PDE1A: variants seen among roughly 807,000 people sequenced by gnomAD.
The protein encoded by PDE1A is phosphodiesterase 1A, also known as dual specificity calcium/calmodulin-dependent 3',5'-cyclic nucleotide phosphodiesterase 1A.
PDE1A carries 35 observed loss-of-function variants against 61.7 expected under a neutral mutation model. The ratio of observed to expected loss-of-function variants is 0.57; its 90% CI spans 0.43 to 0.75. PDE1A has a LOEUF of 0.75. Ranked by LOEUF, PDE1A falls within the 30% of genes least tolerant of loss-of-function variation. The pLI, the probability that PDE1A is intolerant of heterozygous loss-of-function variation, is 0.00. For missense variants in PDE1A, 597 were observed against 630.6 expected, an observed-to-expected ratio of 0.95 and a Z score of 0.57; for synonymous variants, 232 against 213.2, an observed-to-expected ratio of 1.09 and a Z score of -0.77.
chr2:182,387,999 T>C (rs1358001272), intron 1 of PDE1A, among the ~76,000 whole-genome samples: 1 of 151,934 alleles, frequency 6.6e-6, no homozygotes, highest in African/African-American at 2.4e-5. Flanking sequence ...AGATATTCCA[T>C]GGAAATAGAA....
chr2:182,416,541 A>AT (rs1266053305), intron 1 of PDE1A, among the ~76,000 whole-genome samples: 11 of 152,118 alleles, frequency 7.2e-5, no homozygotes, highest in Admixed American at 3.3e-4. Context: ...ACTAGGCAAC[A>AT]TTTTTTTGCC....
At chr2:182,538,369 T>C in the PDE1A span, among the ~76,000 whole-genome samples, 1 of 152,228 alleles carries the variant, frequency 6.6e-6, no homozygotes, top group Non-Finnish European at 1.5e-5. Context: ...GTAAGTGCTC[T>C]ACCAGTATTT....
intron 2 of PDE1A, among the ~76,000 whole-genome samples, chr2:182,494,275 C>T (rs956164177): frequency 3.3e-5 from 5 of 150,914 alleles, no homozygotes; most frequent in Admixed American, 2.0e-4. Context: ...GTGTAGTAAG[C>T]TTACAAGATC....
At chr2:182,476,902 A>G (rs1169062419) in intron 2 of PDE1A, among the ~76,000 whole-genome samples, 1 of 146,388 alleles carries the variant, frequency 6.8e-6, no homozygotes, top group Non-Finnish European at 1.5e-5. Context: ...CATAAAAAAA[A>G]AAAAAAACTC....
chr2:182,596,936 T>C, the PDE1A span, among the ~76,000 whole-genome samples: 3 of 152,092 alleles, frequency 2.0e-5, no homozygotes, highest in African/African-American at 4.8e-5. Context: ...GGTGAATCTG[T>C]AGAGCCCAGG....
chr2:182,331,835 C>A (rs1574372189), intron 1 of PDE1A, among the ~76,000 whole-genome samples: 1 of 152,166 alleles, frequency 6.6e-6, no homozygotes, highest in Middle Eastern at 3.4e-3. Flanking sequence ...CTTGGGGTTG[C>A]TCTTCTCAAG....
the PDE1A span, among the ~76,000 whole-genome samples, chr2:182,663,216 C>T: frequency 1.3e-5 from 2 of 152,154 alleles, no homozygotes. Flanking sequence ...AAAAGGAACA[C>T]TTATACATTG....
chr2:182,214,439 T>G (rs1242618224), intron 7 of PDE1A, among the ~76,000 whole-genome samples: 1 of 151,536 alleles, frequency 6.6e-6, no homozygotes, highest in Non-Finnish European at 1.5e-5. Context: ...GTAAATGGAC[T>G]AAATGCTCCA....
chr2:182,400,417 T>C (rs1363764798), intron 1 of PDE1A, among the ~76,000 whole-genome samples: 1 of 152,184 alleles, frequency 6.6e-6, no homozygotes, highest in Non-Finnish European at 1.5e-5. Flanking sequence ...AAATCCTTTA[T>C]GGATAATTCT....
intron 2 of PDE1A, among the ~76,000 whole-genome samples, chr2:182,490,201 G>A (rs4666844): frequency 0.34 from 51,103 of 151,948 alleles, 8,777 homozygotes; most frequent in Middle Eastern, 0.37. Context: ...AACAACAGCA[G>A]TTTCAGTGTA....
the PDE1A span, among the ~76,000 whole-genome samples, chr2:182,558,258 C>G: frequency 3.0e-4 from 45 of 151,188 alleles, no homozygotes; most frequent in Non-Finnish European, 5.8e-4. Flanking sequence ...GGCAAGTACA[C>G]CAAAAGAGTC....
intron 1 of PDE1A, among the ~76,000 whole-genome samples, chr2:182,277,476 C>A (rs1378955748): frequency 2.0e-5 from 3 of 152,070 alleles, no homozygotes; most frequent in Non-Finnish European, 4.4e-5. Context: ...GAGCATTTCC[C>A]AAGAGACCAC....
intron 1 of PDE1A, among the ~76,000 whole-genome samples, chr2:182,291,610 G>C (rs1193400175): frequency 3.9e-5 from 6 of 152,076 alleles, no homozygotes; most frequent in Non-Finnish European, 5.9e-5. Flanking sequence ...GGGAACATGA[G>C]AGACTAATAG....
the PDE1A span, among the ~76,000 whole-genome samples, chr2:182,579,180 A>G: frequency 4.6e-5 from 7 of 152,236 alleles, no homozygotes; most frequent in Admixed American, 6.5e-5. Context: ...ACATGCTACA[A>G]TGGATTTAAG....
the PDE1A span, among the ~76,000 whole-genome samples, chr2:182,612,705 G>T: frequency 2.6e-4 from 39 of 152,272 alleles, no homozygotes; most frequent in African/African-American, 8.9e-4. Flanking sequence ...AAGCAAAAAA[G>T]TAGGCGCATG....
chr2:182,400,289 ATTG>A, intron 1 of PDE1A, among the ~76,000 whole-genome samples: 1 of 152,278 alleles, frequency 6.6e-6, no homozygotes, highest in East Asian at 1.9e-4. Flanking sequence ...TCTTTTCCCA[ATTG>A]TTGTCTCAAG....
At chr2:182,149,042 CATTT>C (rs1322822721) in intron 13 of PDE1A, among the ~76,000 whole-genome samples, 2 of 151,974 alleles carry the variant, frequency 1.3e-5, no homozygotes, top group African/African-American at 4.8e-5. Context: ...TTTTTTCTGA[CATTT>C]ATCATGTTAG....
chr2:182,242,883 C>CCTCTCTCTCTCCCTCT (rs1553550661), intron 2 of PDE1A, among the ~76,000 whole-genome samples: 2 of 130,166 alleles, frequency 1.5e-5, no homozygotes, highest in African/African-American at 2.9e-5. Context: ...TCCTCTCCTC[C>CCTCTCTCTCTCCCTCT]CTCTCTCTCT....
chr2:182,492,994 AAG>A (rs1491141061), intron 2 of PDE1A, among the ~76,000 whole-genome samples: 1 of 152,026 alleles, frequency 6.6e-6, no homozygotes, highest in African/African-American at 2.4e-5. Context: ...CAAAAAAAAA[AAG>A]GGCAGGGACC....
Sources: allele counts gnomAD v4.1 joint callset (sites outside exome capture counted in the v4.1 genomes callset), GRCh38; gene constraint gnomAD v4.1.1; transcripts MANE v1.5; gene names NCBI Gene and HGNC (gene_info 2026-07-23, HGNC 2026-07-21).